Variants in ANK1 observed in about 807,000 individuals in gnomAD.
The protein encoded by ANK1 is ankyrin-1.
Under a neutral mutation model 210.4 loss-of-function variants are expected in ANK1, and 51 were observed. The ratio of observed to expected loss-of-function variants is 0.24; its 90% CI spans 0.19 to 0.31. The LOEUF (loss-of-function observed/expected upper bound fraction) is 0.31. Ranked by LOEUF, ANK1 falls within the 10% of genes least tolerant of loss-of-function variation. ANK1 has a pLI of 1.00. For synonymous variants in ANK1, 967 were observed against 1,025.9 expected, an observed-to-expected ratio of 0.94 and a Z score of 1.10; for missense variants, 2,051 against 2,504.4, an observed-to-expected ratio of 0.82 and a Z score of 3.86.
At chr8:41,733,755 C>T (rs1158424152) in intron 3 of ANK1, among the ~76,000 whole-genome samples, 2 of 152,114 alleles carry the variant, frequency 1.3e-5, no homozygotes, top group Non-Finnish European at 1.5e-5. Flanking sequence ...TTTTTAGATA[C>T]GTAACCTAGT....
At chr8:41,870,762 G>A (rs1471368148) in intron 1 of ANK1, among the ~76,000 whole-genome samples, 1 of 152,172 alleles carries the variant, frequency 6.6e-6, no homozygotes, top group Non-Finnish European at 1.5e-5. Flanking sequence ...GGCTTTAGCT[G>A]ACCAAGGTTT....
chr8:41,809,728 C>T (rs1314617002), intron 1 of ANK1, among the ~76,000 whole-genome samples: 2 of 152,168 alleles, frequency 1.3e-5, no homozygotes, highest in Admixed American at 6.5e-5. Context: ...GATCGTACCA[C>T]CACACTTCAA....
At chr8:41,800,340 G>A (rs1017698818), upstream of ANK1, among the ~76,000 whole-genome samples, 1 of 152,158 alleles carries the variant, frequency 6.6e-6, no homozygotes, top group African/African-American at 2.4e-5. Context: ...GTGAAGAAAC[G>A]GAGGCACGGG....
chr8:41,855,050 T>C (rs1368792196), intron 1 of ANK1, among the ~76,000 whole-genome samples: 1 of 152,138 alleles, frequency 6.6e-6, no homozygotes, highest in Non-Finnish European at 1.5e-5. Context: ...CATGTGCATA[T>C]AAACATTGAT....
chr8:41,869,456 T>A (rs4737020), intron 1 of ANK1, among the ~76,000 whole-genome samples: 3 of 152,170 alleles, frequency 2.0e-5, no homozygotes, highest in Admixed American at 2.0e-4. Context: ...GGCTCTCGCC[T>A]GTTGTCCCAG....
At chr8:41,756,006 C>A (rs1053898660) in intron 2 of ANK1, among the ~76,000 whole-genome samples, 2 of 152,216 alleles carry the variant, frequency 1.3e-5, no homozygotes, top group Non-Finnish European at 2.9e-5. Context: ...TGTTTCCCAT[C>A]ACATACCATA....
intron 42 of ANK1, 71 bp from the exon 43 acceptor site, chr8:41,655,824 C>CA (rs1805463329): frequency 6.5e-7 from 1 of 1,540,506 alleles, no homozygotes. Context: ...ACCCCACACA[C>CA]AGAGTTTTGT....
chr8:41,658,215 A>G (rs1028000844), intron 42 of ANK1, among the ~76,000 whole-genome samples: 3 of 152,068 alleles, frequency 2.0e-5, no homozygotes, highest in African/African-American at 7.2e-5. Context: ...CATCATAACC[A>G]TCCTACAAGG....
intron 1 of ANK1, among the ~76,000 whole-genome samples, chr8:41,812,377 T>C (rs1802626738): frequency 6.6e-6 from 1 of 151,984 alleles, no homozygotes; most frequent in South Asian, 2.1e-4. Context: ...GCTGATAGAG[T>C]GTCCTAAGCT....
chr8:41,659,810 T>G (rs1807288697), intron 42 of ANK1, among the ~76,000 whole-genome samples: 1 of 150,998 alleles, frequency 6.6e-6, no homozygotes, highest in African/African-American at 2.4e-5. Flanking sequence ...GCTAGTGTGG[T>G]CCGGTCCTTA....
chr8:41,727,707 G>T (rs954906587), intron 4 of ANK1, among the ~76,000 whole-genome samples: 1 of 152,164 alleles, frequency 6.6e-6, no homozygotes, highest in Admixed American at 6.5e-5. Context: ...ACCCCGTCAT[G>T]CTTAGGACAC....
chr8:41,882,921 A>G (rs989941851), intron 1 of ANK1, among the ~76,000 whole-genome samples: 17 of 152,012 alleles, frequency 1.1e-4, no homozygotes, highest in Non-Finnish European at 2.4e-4. Flanking sequence ...GAAAACAGAC[A>G]CCATTCTGCC....
At position 41,896,338 on chromosome 8, in the gene ANK1, C is replaced by T. The variant is rs201010629; in HGVS notation, c.126+17G>A. On this transcript the variant is annotated intron_variant, in intron 1 of 42. Transcript: ENST00000265709. ...AGGTGCCGCGGTCGCTGGGCTTTCA[C>T]CGCCGCCCCCTCCTACCTTCTTCTT... is the stretch of plus-strand genomic sequence containing the variant. The T allele has an allele frequency of 5.7e-6, 9 of 1,587,772 alleles. No homozygotes were observed. The East Asian group carries it at 1.2e-4, about 21-fold the overall frequency.
intron 1 of ANK1, among the ~76,000 whole-genome samples, chr8:41,805,921 T>C (rs1351264841): frequency 6.6e-6 from 1 of 152,244 alleles, no homozygotes; most frequent in African/African-American, 2.4e-5. Context: ...TAATAGCCTT[T>C]TCATTTAATT....
chr8:41,809,132 G>A (rs1802082377), intron 1 of ANK1, among the ~76,000 whole-genome samples: 1 of 152,174 alleles, frequency 6.6e-6, no homozygotes, highest in African/African-American at 2.4e-5. Flanking sequence ...TAACTGGGGA[G>A]TCGTTCTTAA....
chr8:41,837,829 C>T (rs1041856053), intron 1 of ANK1, among the ~76,000 whole-genome samples: 5 of 152,128 alleles, frequency 3.3e-5, no homozygotes, highest in African/African-American at 1.2e-4. Context: ...TGAGATCACA[C>T]CATTGCACTA....
intron 1 of ANK1, among the ~76,000 whole-genome samples, chr8:41,878,325 C>A (rs1045429267): frequency 3.9e-5 from 6 of 152,186 alleles, no homozygotes; most frequent in African/African-American, 1.4e-4. Flanking sequence ...TTCAAGCTCA[C>A]CTCTGATATA....
intron 1 of ANK1, among the ~76,000 whole-genome samples, chr8:41,866,409 G>A (rs990016696): frequency 5.3e-5 from 8 of 152,074 alleles, no homozygotes; most frequent in Non-Finnish European, 1.0e-4. Context: ...GCCCAGGCTG[G>A]TCTTGAATTC....
intron 1 of ANK1, among the ~76,000 whole-genome samples, chr8:41,803,003 A>AGAAAGAG (rs1850200732): frequency 1.7e-4 from 8 of 47,752 alleles, no homozygotes; most frequent in Non-Finnish European, 2.9e-4. Context: ...GAGAGAAAGA[A>AGAAAGAG]AGAAAGAAAG....
Sources: allele counts gnomAD v4.1 joint callset (sites outside exome capture counted in the v4.1 genomes callset), GRCh38; gene constraint gnomAD v4.1.1; transcripts MANE v1.5; gene names NCBI Gene and HGNC (gene_info 2026-07-23, HGNC 2026-07-21).